Variants in CCDC7 observed in about 807,000 individuals in gnomAD.
The protein encoded by CCDC7 is coiled-coil domain-containing protein 7.
CCDC7 carries 183 observed loss-of-function variants against 196.9 expected under a neutral mutation model. The ratio of observed to expected loss-of-function variants is 0.93; its 90% CI spans 0.82 to 1.05. CCDC7 has a LOEUF of 1.05. CCDC7 is among the 50% of genes least tolerant of loss of function. The pLI is 0.00. For missense variants in CCDC7, 1,540 were observed against 1,482.2 expected (o/e 1.04, Z -0.64); for synonymous variants, 525 against 484.6 (o/e 1.08, Z -1.10).
rs1249388517 is a variant in CCDC7 at position 32,463,030 on chromosome 10, AG to A, written c.493del (p.Val165SerfsTer7). The A allele has an allele frequency of 5.0e-6, 8 of 1,613,488 alleles. No homozygotes were observed. Among genetic ancestry groups the A allele is most frequent in the African/African-American group, 4.0e-5 (3 of 74,918 alleles). On this transcript the variant is annotated frameshift_variant, in exon 5 of 42. Coordinates refer to ENST00000639629, the Ensembl canonical transcript of CCDC7. LOFTEE classifies it high-confidence loss of function. Reference sequence around the variant, plus strand: ...GTTTTCTTAAAGTGGTTTCAGTGGCAGGTCAATCAGATGGAAGAAGTAAGTC... The same window carrying A: ...GTTTTCTTAAAGTGGTTTCAGTGGCAGTCAATCAGATGGAAGAAGTAAGTC...
chr10:32,795,195 G>A lies in CCDC7; in HGVS notation c.3014-9820G>A, dbSNP rs117036943. Among the ~76,000 whole-genome samples the A allele has an allele frequency of 1.6e-3, 247 of 152,212 alleles. 2 individuals carry two copies. Among genetic ancestry groups the A allele is most frequent in the Non-Finnish European group, 2.8e-3 (193 of 68,004 alleles). On this transcript the variant is annotated intron_variant, in intron 29 of 41. Coordinates refer to ENST00000639629, the Ensembl canonical transcript of CCDC7. ...TTCTTGCTCAGTTTCCTCTTGAACAGTAATAATTCTTAGATTTGGTCTTTT... is the reference window on the plus strand; with the variant it reads ...TTCTTGCTCAGTTTCCTCTTGAACAATAATAATTCTTAGATTTGGTCTTTT...
intron 21 of CCDC7, among the ~76,000 whole-genome samples, chr10:32,682,150 T>TACCCAAA (rs1179850964): frequency 5.9e-5 from 9 of 152,194 alleles, no homozygotes; most frequent in African/African-American, 2.2e-4. Flanking sequence ...CAATAGGTAG[T>TACCCAAA]TTTTCAGTCC....
intron 28 of CCDC7, among the ~76,000 whole-genome samples, chr10:32,776,709 T>C (rs1484702250): frequency 6.6e-6 from 1 of 152,236 alleles, no homozygotes; most frequent in African/African-American, 2.4e-5. Context: ...ATAGTAGCTA[T>C]TTTGTATGAA....
At chr10:32,462,428 C>T (rs937774268) in intron 3 of CCDC7, among the ~76,000 whole-genome samples, 1 of 152,022 alleles carries the variant, frequency 6.6e-6, no homozygotes, top group Non-Finnish European at 1.5e-5. Flanking sequence ...GTCTCTCTTT[C>T]CCTCTTTCTC....
chr10:32,508,798 T>A (rs981910128), intron 9 of CCDC7, among the ~76,000 whole-genome samples: 2 of 151,818 alleles, frequency 1.3e-5, no homozygotes, highest in African/African-American at 2.4e-5. Flanking sequence ...GCCTGGCTAA[T>A]TTTTTTGTAT....
At chr10:32,761,287 A>G (rs984798511) in intron 28 of CCDC7, among the ~76,000 whole-genome samples, 3 of 152,018 alleles carry the variant, frequency 2.0e-5, no homozygotes, top group African/African-American at 7.2e-5. Context: ...ATGTGCAGCT[A>G]CTAATAAAGG....
At chr10:32,459,854 T>A (rs1425958639) in intron 3 of CCDC7, among the ~76,000 whole-genome samples, 7 of 152,062 alleles carry the variant, frequency 4.6e-5, no homozygotes, top group African/African-American at 1.4e-4. Flanking sequence ...TGCAGCTATA[T>A]CAATTATGAT....
At chr10:32,847,853 A>C in exon 38 of CCDC7, 1 of 1,610,918 alleles carries the variant, frequency 6.2e-7, no homozygotes, top group Non-Finnish European at 8.5e-7. Flanking sequence ...AGAACCCTTG[A>C]CAAATGCCAT....
At chr10:32,567,990 A>C in intron 15 of CCDC7, 99 bp downstream of exon 16, 1 of 1,162,998 alleles carries the variant, frequency 8.6e-7, no homozygotes, top group Non-Finnish European at 1.1e-6. Flanking sequence ...TTAAAAATTC[A>C]TGCCTCTGTT....
At chr10:32,538,141 A>AT (rs1356220190) in intron 11 of CCDC7, among the ~76,000 whole-genome samples, 2 of 152,076 alleles carry the variant, frequency 1.3e-5, no homozygotes, top group Admixed American at 6.6e-5. Context: ...ATGTTTTCCC[A>AT]TTTTTTTGTG....
chr10:32,611,948 C>A (rs1210502440), intron 18 of CCDC7, among the ~76,000 whole-genome samples: 1 of 152,090 alleles, frequency 6.6e-6, no homozygotes, highest in Non-Finnish European at 1.5e-5. Context: ...TTTTCTAATT[C>A]TCTGAAGAAA....
chr10:32,676,587 G>T (rs1420352444), intron 21 of CCDC7, among the ~76,000 whole-genome samples: 1 of 152,134 alleles, frequency 6.6e-6, no homozygotes, highest in Non-Finnish European at 1.5e-5. Context: ...CTCAAAAGAA[G>T]ACATTTATGC....
intron 20 of CCDC7, among the ~76,000 whole-genome samples, chr10:32,640,174 C>A (rs2066465509): frequency 6.6e-6 from 1 of 152,070 alleles, no homozygotes; most frequent in Non-Finnish European, 1.5e-5. Context: ...TTGTGGGAGT[C>A]TAAGTCTCTT....
chr10:32,636,835 A>G (rs1256553713), intron 20 of CCDC7, among the ~76,000 whole-genome samples: 1 of 152,232 alleles, frequency 6.6e-6, no homozygotes, highest in Non-Finnish European at 1.5e-5. Flanking sequence ...ACTAGTTTAC[A>G]GTCCCACCAA....
intron 31 of CCDC7, among the ~76,000 whole-genome samples, chr10:32,816,008 G>A (rs1231022156): frequency 2.0e-5 from 3 of 152,172 alleles, no homozygotes; most frequent in African/African-American, 7.2e-5. Flanking sequence ...TGGGTGCAGT[G>A]CACCAAGTGT....
intron 21 of CCDC7, among the ~76,000 whole-genome samples, chr10:32,680,125 T>A (rs1238272202): frequency 6.6e-6 from 1 of 152,198 alleles, no homozygotes; most frequent in Non-Finnish European, 1.5e-5. Flanking sequence ...AAGGAGACTT[T>A]CTCTATATTA....
At chr10:32,520,756 T>C (rs1019730932) in intron 11 of CCDC7, among the ~76,000 whole-genome samples, 3 of 152,184 alleles carry the variant, frequency 2.0e-5, no homozygotes, top group Non-Finnish European at 4.4e-5. Context: ...TATTTTTTGG[T>C]TACCTATACT....
At chr10:32,794,931 C>T (rs188327852) in intron 29 of CCDC7, among the ~76,000 whole-genome samples, 75 of 152,260 alleles carry the variant, frequency 4.9e-4, no homozygotes, top group Admixed American at 2.6e-3. Flanking sequence ...CTAGAGACGT[C>T]CCTTCCTTAG....
chr10:32,684,427 A>T (rs1016681510), intron 21 of CCDC7, among the ~76,000 whole-genome samples: 10 of 152,182 alleles, frequency 6.6e-5, no homozygotes, highest in Middle Eastern at 6.8e-3. Flanking sequence ...GGTTCATGGC[A>T]GAGGTATGTG....
Sources: allele counts gnomAD v4.1 joint callset (sites outside exome capture counted in the v4.1 genomes callset), GRCh38; gene constraint gnomAD v4.1.1; transcripts MANE v1.5; gene names NCBI Gene and HGNC (gene_info 2026-07-23, HGNC 2026-07-21).